The following STRADB variants were observed in gnomAD, a reference collection of about 807,000 sequenced individuals.
STRADB encodes STE20-related kinase adapter protein beta.
Under a neutral mutation model 52.1 loss-of-function variants are expected in STRADB, and 34 were observed. That is an observed-to-expected ratio of 0.65 (90% CI 0.50 to 0.87). STRADB has a LOEUF of 0.87. STRADB is among the 40% of genes least tolerant of loss of function. The pLI, the probability that STRADB is intolerant of heterozygous loss-of-function variation, is 0.00. For missense variants in STRADB, 340 were observed against 483.9 expected, an observed-to-expected ratio of 0.70 and a Z score of 2.79; for synonymous variants, 133 against 174.5, an observed-to-expected ratio of 0.76 and a Z score of 1.87.
intron 6 of STRADB, among the ~76,000 whole-genome samples, chr2:201,475,398 A>C (rs1331501475): frequency 6.6e-6 from 1 of 152,154 alleles, no homozygotes; most frequent in African/African-American, 2.4e-5. Context: ...AATAATATTG[A>C]CAAATCATTA....
At chr2:201,478,701 CA>C in intron 10 of STRADB, 100 bp downstream of exon 10, 2 of 1,323,818 alleles carry the variant, frequency 1.5e-6, no homozygotes, top group Non-Finnish European at 2.1e-6. Context: ...ATCTTTTGAT[CA>C]AAATATTGTC....
intron 3 of STRADB, among the ~76,000 whole-genome samples, chr2:201,459,823 A>G (rs1952185770): frequency 6.6e-6 from 1 of 152,142 alleles, no homozygotes; most frequent in African/African-American, 2.4e-5. Flanking sequence ...GGTGTAGAAT[A>G]TGTCTTAGTT....
Position 201,469,972 on chromosome 2 carries a change from C to T in STRADB, c.113C>T (p.Ser38Phe). 1 of 1,613,768 alleles carries T rather than the reference C, an allele frequency of 6.2e-7. No homozygotes were observed. Among genetic ancestry groups the T allele is most frequent in the Non-Finnish European group, 8.5e-7 (1 of 1,179,956 alleles). The change falls in exon 4 of 12, where the codon TCC becomes TTC. Residue 38 changes from serine (S) to phenylalanine (F), a missense_variant. Transcript: ENST00000194530. ...HQYLVDEPTL[S>F]WSRPSTRASE... ...ATGCAGGTTGATGAGCCAACCCTTT[C>T]CTGGTCACGTCCATCCACTAGAGCC...
chr2:201,458,256 A>G (rs1294265393), intron 2 of STRADB, among the ~76,000 whole-genome samples: 1 of 152,254 alleles, frequency 6.6e-6, no homozygotes, highest in Non-Finnish European at 1.5e-5. Context: ...AAATTGCGAT[A>G]ATAAAAGTAA....
chr2:201,475,803 G>A, intron 7 of STRADB, 61 bp downstream of exon 7: 1 of 1,523,086 alleles, frequency 6.6e-7, no homozygotes, highest in Non-Finnish European at 8.8e-7. Flanking sequence ...CTTTGAAGGA[G>A]GTTTTAGGAA....
intron 2 of STRADB, chr2:201,457,554 G>C (rs1408996232): frequency 1.3e-5 from 2 of 152,154 alleles, no homozygotes. Context: ...AGTAATGAAG[G>C]CTAACTGGGA....
intron 11 of STRADB, 124 bp from the exon 12 acceptor site, chr2:201,479,908 G>T: frequency 8.3e-7 from 1 of 1,207,730 alleles, no homozygotes; most frequent in South Asian, 1.3e-5. Context: ...GGCAGTTTTA[G>T]GGGAAATACC....
At position 201,461,208 on chromosome 2, in the gene STRADB, G is replaced by T. The variant is rs375326833; in HGVS notation, c.93+2344G>T. ...ATTATTTTTATTTCTATTTTTTTTA[G>T]AGATGGCATCTTGCTTTGCCACCCA... On this transcript the variant is annotated intron_variant, in intron 3 of 11. Transcript: ENST00000194530. 8.6e-5 allele frequency among the ~76,000 whole-genome samples: 13 copies of T among 151,682 alleles called. No homozygotes were observed. In the East Asian group the frequency reaches 1.9e-3, roughly 23 times the overall value.
chr2:201,459,198 T>C (rs1268700556), intron 3 of STRADB, among the ~76,000 whole-genome samples: 2 of 152,140 alleles, frequency 1.3e-5, no homozygotes, highest in Admixed American at 1.3e-4. Context: ...CAGTTTCACC[T>C]GTTCCTATGA....
intron 2 of STRADB, chr2:201,457,375 C>T (rs1952143613): frequency 6.6e-6 from 1 of 152,106 alleles, no homozygotes; most frequent in Non-Finnish European, 1.5e-5. Flanking sequence ...GTTATTCACC[C>T]TAGGAAGCCA....
At chr2:201,452,103 C>G (rs1187874063) in intron 1 of STRADB, among the ~76,000 whole-genome samples, 165 bp downstream of exon 1, 2 of 152,030 alleles carry the variant, frequency 1.3e-5, no homozygotes, top group Non-Finnish European at 2.9e-5. Flanking sequence ...GGCAAGAATG[C>G]GGCCCGAGGT....
intron 2 of STRADB, among the ~76,000 whole-genome samples, chr2:201,456,633 A>G (rs1471670840): frequency 2.6e-5 from 4 of 152,228 alleles, no homozygotes; most frequent in Admixed American, 2.0e-4. Context: ...ACTTTTACTT[A>G]AGGATTCCTC....
chr2:201,470,563 C>A (rs949330291), intron 4 of STRADB, among the ~76,000 whole-genome samples: 1 of 152,136 alleles, frequency 6.6e-6, no homozygotes, highest in Non-Finnish European at 1.5e-5. Flanking sequence ...CACTACACAC[C>A]GGTGATTGTG....
intron 3 of STRADB, among the ~76,000 whole-genome samples, chr2:201,468,085 C>CTTTT (rs536551120): frequency 3.0e-4 from 21 of 71,026 alleles, no homozygotes; most frequent in Non-Finnish European, 3.8e-4. Context: ...TTTTTTTTTT[C>CTTTT]TTTTTTTTTT....
intron 8 of STRADB, 67 bp downstream of exon 8, chr2:201,477,857 G>A (rs900131358): frequency 9.6e-6 from 15 of 1,564,262 alleles, no homozygotes; most frequent in Middle Eastern, 1.7e-4. Flanking sequence ...CTAAAGTACA[G>A]TTGTGTCTTT....
intron 5 of STRADB, among the ~76,000 whole-genome samples, chr2:201,474,219 T>G (rs1299845034): frequency 1.3e-5 from 2 of 152,126 alleles, no homozygotes; most frequent in Non-Finnish European, 2.9e-5. Flanking sequence ...TATGTGCACA[T>G]GTATATTACA....
chr2:201,457,272 ACC>A (rs1952142253), intron 2 of STRADB: 1 of 152,220 alleles, frequency 6.6e-6, no homozygotes. Context: ...ATATATAAAT[ACC>A]AAACAATATA....
Position 201,473,010 on chromosome 2 carries a change from A to G in STRADB, c.249A>G (p.Gly83=). The change falls in exon 5 of 12, where the codon GGA becomes GGG. Residue 83 remains glycine (G), a synonymous_variant. Transcript: ENST00000194530. ...SVHLARHTPT[G]TLVTIKITNL... is the part of the protein sequence containing the mutation. Reference sequence around the variant, plus strand: ...ATCTTGCACGGCATACTCCCACAGGAACACTGGTAACTATAAAAATTACAA... The same window carrying G: ...ATCTTGCACGGCATACTCCCACAGGGACACTGGTAACTATAAAAATTACAA... 6.2e-7 allele frequency: 1 copy of G among 1,613,130 alleles called. No individual in the cohort carries two copies.
intron 3 of STRADB, among the ~76,000 whole-genome samples, chr2:201,462,585 G>A (rs1171468062): frequency 6.6e-6 from 1 of 152,086 alleles, no homozygotes; most frequent in Non-Finnish European, 1.5e-5. Context: ...GTTACCATGA[G>A]GCTTGCAAAT....
Sources: gnomAD v4.1 joint callset for allele counts (sites outside exome capture counted in the v4.1 genomes callset) on GRCh38, gnomAD v4.1.1 for gene constraint, MANE v1.5 for transcripts, NCBI Gene and HGNC (gene_info 2026-07-23, HGNC 2026-07-21) for gene names.